The following SLCO5A1 variants were observed in gnomAD, a reference collection of about 807,000 sequenced individuals.
SLCO5A1 encodes solute carrier organic anion transporter family member 5A1.
A neutral mutation model predicts 65.1 loss-of-function variants in SLCO5A1; 39 were observed. The observed-to-expected ratio is 0.60, with a 90% CI of 0.46 to 0.78. SLCO5A1 has a LOEUF of 0.78. Ranked by LOEUF, SLCO5A1 falls within the 30% of genes least tolerant of loss-of-function variation. SLCO5A1 has a pLI of 0.00. For missense variants in SLCO5A1, 1,029 were observed against 1,069.4 expected, an observed-to-expected ratio of 0.96 and a Z score of 0.53; for synonymous variants, 438 against 415.7, an observed-to-expected ratio of 1.05 and a Z score of -0.65.
rs909268637 is a variant in SLCO5A1, at chr8:69,671,928, G to A, written c.*941C>T. ...ACAGATTTGCCAGTGCTTTCAAGAT[G>A]TAACTAAAATACTCAGGTGGGACTT... On this transcript the variant is annotated 3_prime_UTR_variant, in exon 10 of 10. Coordinates refer to ENST00000260126, the MANE Select transcript of SLCO5A1 (RefSeq NM_030958.3). The A allele has an allele frequency of 3.3e-5, 5 of 152,214 alleles. No homozygotes were observed. Among genetic ancestry groups the A allele is most frequent in the Non-Finnish European group, 2.9e-5 (2 of 68,036 alleles). 9.4% of individuals were successfully genotyped at this position (152,214 alleles called of 1,614,324 possible).
intron 2 of SLCO5A1, among the ~76,000 whole-genome samples, chr8:69,770,461 A>T (rs994134591): frequency 6.6e-6 from 1 of 152,052 alleles, no homozygotes; most frequent in Non-Finnish European, 1.5e-5. Flanking sequence ...AGTTAATTAA[A>T]TTTTTTTAAT....
At position 69,679,445 on chromosome 8, in the gene SLCO5A1, C is replaced by G. The variant is rs755513035; in HGVS notation, c.1957G>C (p.Val653Leu). The G allele has an allele frequency of 6.2e-7, 1 of 1,614,182 alleles. No homozygotes were observed. The highest frequency in any genetic ancestry group is 1.7e-5 in the Admixed American group (1 of 60,020). ...ATGAAGGTGACTATGAAAAGAAAAA[C>G]TAAGAATGGGATAAGAGTATTGCAG... ...RTCNTLIPFL[V>L]FLFIVTFITA... is the part of the protein sequence containing the mutation. Residue 653 changes from valine to leucine, a missense_variant, in exon 8 of 10, where the codon GTT becomes CTT. This residue lies in a region of SLCO5A1 where 124 missense variants were observed against 184.5 expected (regional missense o/e 0.67). Coordinates refer to ENST00000260126, the MANE Select transcript of SLCO5A1 (RefSeq NM_030958.3).
intron 2 of SLCO5A1, among the ~76,000 whole-genome samples, chr8:69,827,100 G>A (rs896242418): frequency 6.5e-5 from 9 of 137,444 alleles, no homozygotes; most frequent in Admixed American, 4.3e-4. Context: ...TGAACAATGA[G>A]AACACATGGA....
intron 2 of SLCO5A1, among the ~76,000 whole-genome samples, chr8:69,772,025 G>A (rs561339764): frequency 1.3e-5 from 2 of 152,202 alleles, no homozygotes; most frequent in Admixed American, 1.3e-4. Flanking sequence ...CATTCTCTGG[G>A]AGCTACTTCA....
intron 2 of SLCO5A1, among the ~76,000 whole-genome samples, chr8:69,788,988 C>G (rs1236032809): frequency 6.6e-6 from 1 of 152,174 alleles, no homozygotes; most frequent in Non-Finnish European, 1.5e-5. Context: ...GATACCACAC[C>G]CTGTGCTGAT....
intron 2 of SLCO5A1, among the ~76,000 whole-genome samples, chr8:69,814,096 T>G (rs11992201): frequency 0.019 from 2,957 of 152,210 alleles, 90 homozygotes; most frequent in African/African-American, 0.067. Flanking sequence ...ACATTGGAAA[T>G]GCCATAGAGG....
At chr8:69,686,896 A>G (rs1036717614) in intron 6 of SLCO5A1, among the ~76,000 whole-genome samples, 3 of 152,152 alleles carry the variant, frequency 2.0e-5, no homozygotes, top group African/African-American at 4.8e-5. Flanking sequence ...CATATCCACA[A>G]TTCACAAGTG....
At chr8:69,678,679 A>C (rs1813643254) in intron 8 of SLCO5A1, among the ~76,000 whole-genome samples, 1 of 152,100 alleles carries the variant, frequency 6.6e-6, no homozygotes, top group African/African-American at 2.4e-5. Flanking sequence ...CAGCCCGACC[A>C]TCATTTTGGT....
intron 4 of SLCO5A1, among the ~76,000 whole-genome samples, 164 bp from the exon 5 acceptor site, chr8:69,738,368 A>C (rs1816654389): frequency 6.6e-6 from 1 of 151,454 alleles, no homozygotes; most frequent in Non-Finnish European, 1.5e-5. Context: ...CATCCTCTTT[A>C]AATAGATTTT....
intron 5 of SLCO5A1, 54 bp from the exon 6 acceptor site, chr8:69,705,283 T>A: frequency 2.6e-6 from 4 of 1,547,188 alleles, no homozygotes; most frequent in Non-Finnish European, 3.6e-6. Context: ...CTATTATTCA[T>A]CTTATCTATT....
chr8:69,732,964 T>G (rs13269866), intron 5 of SLCO5A1, among the ~76,000 whole-genome samples: 9 of 152,168 alleles, frequency 5.9e-5, no homozygotes, highest in African/African-American at 2.2e-4. Context: ...TAACACTTAC[T>G]ATTTGCCTTT....
intron 2 of SLCO5A1, among the ~76,000 whole-genome samples, chr8:69,826,008 G>T (rs1479672476): frequency 1.3e-5 from 2 of 152,150 alleles, no homozygotes; most frequent in African/African-American, 2.4e-5. Flanking sequence ...TTGACAAACT[G>T]GACAAAAACA....
At chr8:69,692,111 T>C (rs1814287584) in intron 6 of SLCO5A1, among the ~76,000 whole-genome samples, 1 of 152,038 alleles carries the variant, frequency 6.6e-6, no homozygotes, top group African/African-American at 2.4e-5. Context: ...TAGCTAGGTG[T>C]GGTGGCGGGC....
chr8:69,773,866 A>C (rs914990137), intron 2 of SLCO5A1, among the ~76,000 whole-genome samples: 1 of 152,114 alleles, frequency 6.6e-6, no homozygotes, highest in Non-Finnish European at 1.5e-5. Flanking sequence ...CTTCTTCCAG[A>C]TCTCTGCCCA....
At chr8:69,751,705 C>T (rs1029771334) in intron 4 of SLCO5A1, among the ~76,000 whole-genome samples, 1 of 152,046 alleles carries the variant, frequency 6.6e-6, no homozygotes, top group African/African-American at 2.4e-5. Context: ...CACCACAACG[C>T]CCATCTAATT....
chr8:69,797,077 A>G (rs111546630), intron 2 of SLCO5A1, among the ~76,000 whole-genome samples: 5,867 of 152,298 alleles, frequency 0.039, 330 homozygotes, highest in African/African-American at 0.13. Context: ...AAGGGACCTC[A>G]AATGGAGGGA....
intron 5 of SLCO5A1, among the ~76,000 whole-genome samples, chr8:69,707,533 C>G (rs1446816727): frequency 1.3e-5 from 2 of 152,104 alleles, no homozygotes; most frequent in Admixed American, 6.5e-5. Flanking sequence ...GTAGGGAAAA[C>G]AGAGACCATG....
chr8:69,765,901 C>T (rs564056913), intron 2 of SLCO5A1, among the ~76,000 whole-genome samples: 6 of 152,272 alleles, frequency 3.9e-5, no homozygotes, highest in Non-Finnish European at 5.9e-5. Flanking sequence ...CCTAAGTGGC[C>T]TCTCTCCTCA....
chr8:69,689,412 C>A (rs1252002864), intron 6 of SLCO5A1, among the ~76,000 whole-genome samples: 12 of 103,994 alleles, frequency 1.2e-4, no homozygotes, highest in Non-Finnish European at 2.1e-4. Context: ...AAGTCCTTGC[C>A]CATGGCTATG....
Sources: allele counts gnomAD v4.1 joint callset (sites outside exome capture counted in the v4.1 genomes callset), GRCh38; gene constraint gnomAD v4.1.1; regional missense constraint gnomAD v4.1.1; transcripts MANE v1.5; gene names NCBI Gene and HGNC (gene_info 2026-07-23, HGNC 2026-07-21).